SGIP1: variants seen among roughly 807,000 people sequenced by gnomAD.
SGIP1 encodes SH3-containing GRB2-like protein 3-interacting protein 1.
SGIP1 carries 38 observed loss-of-function variants against 107.5 expected under a neutral mutation model. The ratio of observed to expected loss-of-function variants is 0.35; its 90% CI spans 0.27 to 0.46. The LOEUF (loss-of-function observed/expected upper bound fraction) is 0.46. SGIP1 is among the 20% of genes least tolerant of loss of function. The probability of loss-of-function intolerance (pLI) is 1.00; values close to 1 mark genes in which losing one functional copy is unlikely to be tolerated. For missense variants in SGIP1, 929 were observed against 1,019.5 expected (o/e 0.91, Z 1.21); for synonymous variants, 365 against 366.1 (o/e 1.00, Z 0.03).
intron 7 of SGIP1, among the ~76,000 whole-genome samples, chr1:66,650,870 G>T (rs2078622966): frequency 6.6e-6 from 1 of 152,122 alleles, no homozygotes; most frequent in Non-Finnish European, 1.5e-5. Flanking sequence ...TTAACTACAA[G>T]CATTTTGTTC....
Position 66,584,797 on chromosome 1 carries a change from G to C in SGIP1, c.11-41050G>C, listed in dbSNP as rs573320600. ...CTGTAGCCAAATTTCTGTGCTCCTG[G>C]GTATTATTCAGCAAATATGATAGAT... On this transcript the variant is annotated intron_variant, in intron 1 of 24. Transcript: ENST00000371037. Among the ~76,000 whole-genome samples the C allele has an allele frequency of 1.6e-4, 24 of 152,158 alleles. No homozygotes were observed. The Middle Eastern group carries it at 0.01, about 65-fold the overall frequency.
At chr1:66,632,954 G>T in intron 2 of SGIP1, 116 bp from the exon 3 acceptor site, 1 of 752,666 alleles carries the variant, frequency 1.3e-6, no homozygotes, top group Non-Finnish European at 2.4e-6. Context: ...GGTTTACTGG[G>T]GTGGGAATGC....
intron 2 of SGIP1, among the ~76,000 whole-genome samples, chr1:66,627,497 T>G (rs999552477): frequency 2.6e-5 from 4 of 152,148 alleles, no homozygotes; most frequent in Non-Finnish European, 5.9e-5. Flanking sequence ...TGTGGGCTAC[T>G]TCCATAGGCA....
chr1:66,634,216 G>C, intron 3 of SGIP1: 2 of 1,418,540 alleles, frequency 1.4e-6, no homozygotes, highest in Non-Finnish European at 2.0e-6. Context: ...CCCCTCCCTG[G>C]GTTCTCTGGT....
chr1:66,734,652 G>A (rs2094154738), intron 21 of SGIP1, among the ~76,000 whole-genome samples: 1 of 151,690 alleles, frequency 6.6e-6, no homozygotes, highest in South Asian at 2.1e-4. Context: ...ATACAGGCAT[G>A]CACCACCAAG....
chr1:66,717,457 C>T lies in SGIP1; in HGVS notation c.1631-1837C>T, dbSNP rs80351043. Among the ~76,000 whole-genome samples, 529 of 152,250 alleles carry T rather than the reference C, an allele frequency of 3.5e-3. 6 individuals carry two copies. The highest frequency in any genetic ancestry group is 0.012 in the African/African-American group (502 of 41,538). On this transcript the variant is annotated intron_variant, in intron 18 of 24. Transcript: ENST00000371037. ...CATGTATTTAGTGAAAGGCCAATAT[C>T]ATCCAGGCTGGGTTTTAGGTACTGT...
chr1:66,679,517 C>A (rs1485147832), intron 13 of SGIP1, among the ~76,000 whole-genome samples, 161 bp from the exon 14 acceptor site: 2 of 152,176 alleles, frequency 1.3e-5, no homozygotes, highest in Non-Finnish European at 2.9e-5. Context: ...GGTTCTGCCT[C>A]AGTTCTTTGG....
intron 1 of SGIP1, among the ~76,000 whole-genome samples, chr1:66,545,327 A>G (rs1352182273): frequency 6.6e-6 from 1 of 152,086 alleles, no homozygotes; most frequent in East Asian, 1.9e-4. Flanking sequence ...TTCCTTCTCT[A>G]TATGGAAACA....
intron 1 of SGIP1, among the ~76,000 whole-genome samples, chr1:66,568,851 A>G (rs1171857364): frequency 2.0e-5 from 3 of 151,996 alleles, no homozygotes; most frequent in African/African-American, 2.4e-5. Context: ...TAAACTAGGT[A>G]TTGAGGGAGC....
At chr1:66,672,612 G>A (rs1392491498) in intron 11 of SGIP1, among the ~76,000 whole-genome samples, 1 of 152,094 alleles carries the variant, frequency 6.6e-6, no homozygotes, top group South Asian at 2.1e-4. Flanking sequence ...GATCAATGAG[G>A]GGAATCAGAT....
intron 9 of SGIP1, among the ~76,000 whole-genome samples, chr1:66,669,917 G>C (rs573217986): frequency 1.3e-5 from 2 of 152,280 alleles, no homozygotes; most frequent in Non-Finnish European, 2.9e-5. Flanking sequence ...GCTAAACCTT[G>C]TCCTAAGCTG....
Position 66,534,261 on chromosome 1 carries a change from T to G in SGIP1, c.-98T>G. On this transcript the variant is annotated 5_prime_UTR_variant, in exon 1 of 25. Coordinates refer to ENST00000371037, the MANE Select transcript of SGIP1 (RefSeq NM_032291.4). ...GCTTTGACAGCGGACGGAATAGACC[T>G]CAGCAGCGGCGTGGTGAGGACTTAG... 1.5e-6 allele frequency: 2 copies of G among 1,319,558 alleles called. No individual in the cohort carries two copies. The highest frequency in any genetic ancestry group is 2.2e-6 in the Non-Finnish European group (2 of 912,730). The allele number at this position is 1,319,558 out of a possible 1,614,324, so 81.7% of individuals were successfully genotyped here. A position where few individuals can be genotyped will look rare whatever the true frequency, so the allele number is the denominator to read the frequency against.
chr1:66,649,324 G>A (rs2078268377), intron 7 of SGIP1, among the ~76,000 whole-genome samples: 1 of 152,184 alleles, frequency 6.6e-6, no homozygotes, highest in Non-Finnish European at 1.5e-5. Flanking sequence ...ACCCCCTGAA[G>A]GAACTGAGGT....
chr1:66,683,700 C>CTTTTTTTTTTTTTTTTTTT lies in SGIP1; in HGVS notation c.1315+1341_1315+1359dup, dbSNP rs869266510. 4.3e-3 allele frequency among the ~76,000 whole-genome samples: 264 copies of CTTTTTTTTTTTTTTTTTTT among 61,396 alleles called. 43 individuals are homozygous for CTTTTTTTTTTTTTTTTTTT. The highest frequency in any genetic ancestry group is 0.024 in the East Asian group (22 of 908). 40.3% of individuals were successfully genotyped at this position (61,396 alleles called of 152,430 possible). A position where few individuals can be genotyped will look rare whatever the true frequency, so the allele number is the denominator to read the frequency against. ...ACCACACTGTTTGTTTGTTTCTTTTCTTTTTTTTTTTTTTTTTTTTTTTTT... is the reference window on the plus strand; with the variant it reads ...ACCACACTGTTTGTTTGTTTCTTTTCTTTTTTTTTTTTTTTTTTTTTTTTTTTTTTTTTTTTTTTTTTTT... On this transcript the variant is annotated intron_variant, in intron 15 of 24. Transcript: ENST00000371037.
At chr1:66,652,421 A>G (rs1387142754) in intron 7 of SGIP1, among the ~76,000 whole-genome samples, 4 of 152,210 alleles carry the variant, frequency 2.6e-5, no homozygotes, top group Non-Finnish European at 5.9e-5. Flanking sequence ...CCTGGCGTGT[A>G]GGCTAGTGCC....
intron 1 of SGIP1, 84 bp from the exon 2 acceptor site, chr1:66,625,763 T>C: frequency 8.5e-7 from 1 of 1,173,324 alleles, no homozygotes; most frequent in East Asian, 2.4e-5. Flanking sequence ...AACATTTAAG[T>C]CTAACTGGTG....
rs1169068264 is a variant in SGIP1 at position 66,679,873 on chromosome 1, C to T, written c.814+121C>T. On this transcript the variant is annotated intron_variant, in intron 14 of 24. Coordinates refer to ENST00000371037, the MANE Select transcript of SGIP1 (RefSeq NM_032291.4). ...ACAAAAACATCACAATGTTGGCATT[C>T]AGTTTTGCTTTCATTAGAATTTCTT... is the stretch of plus-strand genomic sequence containing the variant. The T allele has an allele frequency of 3.3e-6, 3 of 910,074 alleles. No individual in the cohort carries two copies. The East Asian group carries it at 9.6e-5, about 29-fold the overall frequency. The allele number at this position is 910,074 out of a possible 1,614,324, so 56.4% of individuals were successfully genotyped here.
intron 7 of SGIP1, chr1:66,660,037 A>AGGAAGGAAGGAT (rs1255720027): frequency 6.8e-6 from 1 of 147,268 alleles, no homozygotes; most frequent in African/African-American, 3.8e-5. Flanking sequence ...GAAGGAAGGA[A>AGGAAGGAAGGAT]GGAAAGAAAG....
intron 1 of SGIP1, among the ~76,000 whole-genome samples, chr1:66,599,403 G>T (rs1361567262): frequency 6.6e-6 from 1 of 152,120 alleles, no homozygotes; most frequent in Non-Finnish European, 1.5e-5. Flanking sequence ...CTACACCACT[G>T]GTAGGTGACT....
Sources: gnomAD v4.1 joint callset for allele counts (sites outside exome capture counted in the v4.1 genomes callset) on GRCh38, gnomAD v4.1.1 for gene constraint, MANE v1.5 for transcripts, NCBI Gene and HGNC (gene_info 2026-07-23, HGNC 2026-07-21) for gene names.